Variants in RIC1 observed in about 807,000 individuals in gnomAD.
RIC1 encodes RIC1 partner of RAB6A GEF complex.
In RIC1, 88 loss-of-function variants were observed where a neutral mutation model predicts 169.0. The observed-to-expected ratio is 0.52, with a 90% CI of 0.44 to 0.62. RIC1 has a LOEUF of 0.62. RIC1 is among the 20% of genes least tolerant of loss of function. The probability of loss-of-function intolerance (pLI) is 0.00; values close to 1 mark genes in which losing one functional copy is unlikely to be tolerated. For synonymous variants in RIC1, 790 were observed against 601.5 expected, an observed-to-expected ratio of 1.31 and a Z score of -4.59; for missense variants, 1,877 against 1,725.5, an observed-to-expected ratio of 1.09 and a Z score of -1.56.
chr9:5,750,296 G>A (rs189038083), intron 12 of RIC1, among the ~76,000 whole-genome samples: 1 of 151,892 alleles, frequency 6.6e-6, no homozygotes, highest in Admixed American at 6.5e-5. Context: ...CTTCTGAAAG[G>A]TACATAAATC....
chr9:5,768,929 G>C, intron 21 of RIC1, 41 bp from the exon 22 acceptor site: 2 of 1,560,632 alleles, frequency 1.3e-6, no homozygotes, highest in Non-Finnish European at 1.7e-6. Flanking sequence ...AAATCCTCCA[G>C]TAAAGATTAT....
intron 3 of RIC1, among the ~76,000 whole-genome samples, chr9:5,704,453 C>G (rs1334347137): frequency 1.3e-5 from 2 of 152,136 alleles, no homozygotes; most frequent in African/African-American, 4.8e-5. Context: ...CTCAAGCAAT[C>G]CTCCTGTCTT....
chr9:5,709,129 C>G (rs919008057), intron 3 of RIC1, among the ~76,000 whole-genome samples: 1 of 152,146 alleles, frequency 6.6e-6, no homozygotes, highest in East Asian at 1.9e-4. Context: ...GCTCTTAAAT[C>G]TTCTGTTCAG....
At chr9:5,677,510 G>A (rs1401397004) in intron 2 of RIC1, among the ~76,000 whole-genome samples, 2 of 151,952 alleles carry the variant, frequency 1.3e-5, no homozygotes, top group South Asian at 2.1e-4. Flanking sequence ...ATATGTGTGG[G>A]TTTACTTCTA....
chr9:5,774,929 C>T lies in RIC1; in HGVS notation c.*683C>T, dbSNP rs973323334. 6.6e-6 allele frequency: 1 copy of T among 152,174 alleles called. No homozygotes were observed. The highest frequency in any genetic ancestry group is 1.5e-5 in the Non-Finnish European group (1 of 68,026). The allele number at this position is 152,174 out of a possible 1,614,324, so 9.4% of individuals were successfully genotyped here. On this transcript the variant is annotated 3_prime_UTR_variant, in exon 26 of 26. Transcript: ENST00000414202. ...TTCTTCTCAATTTTGCTGTTAGATA[C>T]CACTAAACTATTTTGTATTAAAGAA...
chr9:5,669,343 C>A (rs1421222583), intron 2 of RIC1, among the ~76,000 whole-genome samples: 1 of 152,188 alleles, frequency 6.6e-6, no homozygotes, highest in Non-Finnish European at 1.5e-5. Flanking sequence ...TCTTTGTGTT[C>A]TCACAGCTTA....
rs763879903 is a variant in RIC1, at chr9:5,763,385, T to C, written c.2358T>C (p.Ala786=). The change falls in exon 19 of 26, where the codon GCT becomes GCC. Residue 786 remains alanine, a synonymous_variant. Coordinates refer to ENST00000414202, the MANE Select transcript of RIC1 (RefSeq NM_020829.4). This position sits in a 1 kb window ranked among gnomAD's most constrained non-coding sequence, Gnocchi z 5.2. The stretch of plus-strand genomic sequence containing the variant: ...CGCTAGCTGTTCTGTTTGAAGATGC[T>C]TTAGTCCTTGGTGCTGTCAATGACA... ...IYPLAVLFED[A]LVLGAVNDTL... 6.2e-7 allele frequency: 1 copy of C among 1,614,202 alleles called. No homozygotes were observed. Among genetic ancestry groups the C allele is most frequent in the Non-Finnish European group, 8.5e-7 (1 of 1,180,040 alleles).
intron 17 of RIC1, among the ~76,000 whole-genome samples, chr9:5,758,653 A>G (rs373145305): frequency 8.6e-5 from 13 of 150,546 alleles, no homozygotes; most frequent in African/African-American, 3.2e-4. Context: ...TGCATGCTAA[A>G]TACTTCCATA....
At chr9:5,706,493 AT>A (rs1003925307) in intron 3 of RIC1, among the ~76,000 whole-genome samples, 42 of 150,992 alleles carry the variant, frequency 2.8e-4, no homozygotes, top group African/African-American at 7.0e-4. Flanking sequence ...CCTCTTACCT[AT>A]TTTTTTTTAA....
At chr9:5,656,512 T>C in intron 1 of RIC1, 71 bp from the exon 2 acceptor site, 1 of 669,748 alleles carries the variant, frequency 1.5e-6, no homozygotes. Flanking sequence ...TCTGTTATCT[T>C]AAATTTTATT....
chr9:5,753,276 T>C (rs1199070539), intron 13 of RIC1, 38 bp downstream of exon 13: 3 of 1,589,590 alleles, frequency 1.9e-6, no homozygotes, highest in African/African-American at 2.7e-5. Flanking sequence ...TTTTGTTGAC[T>C]AGCATTTGCT....
At chr9:5,771,562 T>A (rs1827223178) in intron 23 of RIC1, among the ~76,000 whole-genome samples, 1 of 151,508 alleles carries the variant, frequency 6.6e-6, no homozygotes, top group Non-Finnish European at 1.5e-5. Flanking sequence ...GACTGCTGGG[T>A]CATAATTCTA....
chr9:5,754,389 G>T (rs1456568823), intron 14 of RIC1, among the ~76,000 whole-genome samples: 1 of 152,064 alleles, frequency 6.6e-6, no homozygotes, highest in Non-Finnish European at 1.5e-5. Context: ...ATTAATAAAG[G>T]CTCTAGAGTT....
intron 2 of RIC1, among the ~76,000 whole-genome samples, chr9:5,686,453 AATG>A (rs1255216216): frequency 2.6e-5 from 4 of 152,292 alleles, no homozygotes; most frequent in African/African-American, 9.6e-5. Context: ...AGCCATAAAA[AATG>A]ATGAGTTCAT....
chr9:5,729,904 T>C (rs1444373899), intron 6 of RIC1, among the ~76,000 whole-genome samples: 1 of 152,124 alleles, frequency 6.6e-6, no homozygotes, highest in East Asian at 1.9e-4. Context: ...GGGACTTAAA[T>C]GTTTAGACTG....
Position 5,689,203 on chromosome 9 carries a change from C to G in RIC1, c.253-756C>G, listed in dbSNP as rs578238254. ...AGCTGGGATTACAGGCGCCTGCCACCACGCCCGGCTAATTTTTTTGTATTT... is the reference window on the plus strand; with the variant it reads ...AGCTGGGATTACAGGCGCCTGCCACGACGCCCGGCTAATTTTTTTGTATTT... On this transcript the variant is annotated intron_variant, in intron 2 of 25. Transcript: ENST00000414202. 5.5e-3 allele frequency among the ~76,000 whole-genome samples: 841 copies of G among 151,980 alleles called. 5 individuals are homozygous for G. The highest frequency in any genetic ancestry group is 8.6e-3 in the Non-Finnish European group (585 of 67,946).
At chr9:5,675,723 G>A (rs1326686063) in intron 2 of RIC1, among the ~76,000 whole-genome samples, 1 of 152,012 alleles carries the variant, frequency 6.6e-6, no homozygotes, top group East Asian at 1.9e-4. Flanking sequence ...CATACAAAAT[G>A]GCCTACAAAT....
chr9:5,720,508 G>A lies in RIC1; in HGVS notation c.584-106G>A. Reference sequence around the variant, plus strand: ...ACAGTTTAATTATTTAGGGTTGTTAGGTCATTATTTTTACCCTTTTAAACT... The same window carrying A: ...ACAGTTTAATTATTTAGGGTTGTTAAGTCATTATTTTTACCCTTTTAAACT... On this transcript the variant is annotated intron_variant, in intron 5 of 25. Coordinates refer to ENST00000414202, the MANE Select transcript of RIC1 (RefSeq NM_020829.4). The A allele has an allele frequency of 2.4e-6, 3 of 1,234,862 alleles. No homozygotes were observed. The South Asian group carries it at 4.6e-5, about 19-fold the overall frequency. The allele number at this position is 1,234,862 out of a possible 1,614,324, so 76.5% of individuals were successfully genotyped here.
intron 3 of RIC1, among the ~76,000 whole-genome samples, chr9:5,690,278 G>A (rs909513113): frequency 1.6e-4 from 25 of 152,048 alleles, no homozygotes; most frequent in Non-Finnish European, 3.7e-4. Flanking sequence ...CAGAATGACT[G>A]TTAATATATT....
Sources: allele counts gnomAD v4.1 joint callset (sites outside exome capture counted in the v4.1 genomes callset), GRCh38; gene constraint gnomAD v4.1.1; non-coding constraint Gnocchi (gnomAD v3.1); transcripts MANE v1.5; gene names NCBI Gene and HGNC (gene_info 2026-07-23, HGNC 2026-07-21).